Variants in DLGAP1 observed in about 807,000 individuals in gnomAD.
DLGAP1 encodes disks large-associated protein 1.
DLGAP1 carries 11 observed loss-of-function variants against 90.8 expected under a neutral mutation model. The ratio of observed to expected loss-of-function variants is 0.12; its 90% CI spans 0.08 to 0.20. The LOEUF is 0.20. Ranked by LOEUF, DLGAP1 falls within the 10% of genes least tolerant of loss-of-function variation. The pLI is 1.00. For synonymous variants in DLGAP1, 558 were observed against 540.7 expected, an observed-to-expected ratio of 1.03 and a Z score of -0.44; for missense variants, 1,050 against 1,333.8, an observed-to-expected ratio of 0.79 and a Z score of 3.31.
chr18:3,674,107 G>T (rs533443541), intron 7 of DLGAP1, among the ~76,000 whole-genome samples: 1 of 151,908 alleles, frequency 6.6e-6, no homozygotes, highest in Non-Finnish European at 1.5e-5. Flanking sequence ...CTCCCAAAGT[G>T]CTGGGAGGAC....
At chr18:3,896,996 C>G (rs1268821802) in intron 3 of DLGAP1, 1 of 152,260 alleles carries the variant, frequency 6.6e-6, no homozygotes, top group African/African-American at 2.4e-5. Context: ...AGATCACACC[C>G]TTTAGTCCAT....
chr18:3,562,317 A>G (rs1290021565), intron 9 of DLGAP1, among the ~76,000 whole-genome samples: 1 of 152,104 alleles, frequency 6.6e-6, no homozygotes, highest in African/African-American at 2.4e-5. Flanking sequence ...CAGGAGTTCA[A>G]GTCCATCCTG....
chr18:4,266,203 ACTT>A (rs936230444), intron 1 of DLGAP1, among the ~76,000 whole-genome samples: 2 of 152,188 alleles, frequency 1.3e-5, no homozygotes, highest in African/African-American at 4.8e-5. Flanking sequence ...AACCTCCATC[ACTT>A]CTTCTTGCAG....
rs117480510 is a variant in DLGAP1, at chr18:4,317,249, C to T, written c.-267+137757G>A. ...GTTGGGACACCTATTCATGTAGGGCCGTCACATCCTTGTTACTGACACATT... is the reference window on the plus strand; with the variant it reads ...GTTGGGACACCTATTCATGTAGGGCTGTCACATCCTTGTTACTGACACATT... On this transcript the variant is annotated intron_variant, in intron 1 of 12. Transcript: ENST00000315677. Among the ~76,000 whole-genome samples, 252 of 152,242 alleles carry T rather than the reference C, an allele frequency of 1.7e-3. 2 individuals are homozygous for T. The highest frequency in any genetic ancestry group is 2.6e-3 in the Non-Finnish European group (177 of 68,010).
intron 4 of DLGAP1, among the ~76,000 whole-genome samples, chr18:3,849,315 A>G (rs1443950025): frequency 1.3e-5 from 2 of 152,158 alleles, no homozygotes; most frequent in Non-Finnish European, 2.9e-5. Flanking sequence ...GTATCTTCAA[A>G]GAGACTCACC....
intron 2 of DLGAP1, among the ~76,000 whole-genome samples, chr18:4,079,868 G>T (rs1226716413): frequency 6.6e-6 from 1 of 152,074 alleles, no homozygotes; most frequent in Non-Finnish European, 1.5e-5. Context: ...CAATAGACTT[G>T]CCTTGTCAAG....
intron 1 of DLGAP1, among the ~76,000 whole-genome samples, chr18:4,239,365 A>T (rs2078482664): frequency 6.6e-6 from 1 of 152,112 alleles, no homozygotes; most frequent in South Asian, 2.1e-4. Flanking sequence ...AGGTTTTTTA[A>T]ACAAAGGAAC....
At chr18:4,257,869 T>C (rs887840576) in intron 1 of DLGAP1, among the ~76,000 whole-genome samples, 47 of 151,948 alleles carry the variant, frequency 3.1e-4, no homozygotes, top group Non-Finnish European at 6.3e-4. Flanking sequence ...AAGTGATCCA[T>C]CTGCCTCGGC....
chr18:3,798,497 G>A (rs2066124778), intron 5 of DLGAP1, among the ~76,000 whole-genome samples: 1 of 152,174 alleles, frequency 6.6e-6, no homozygotes, highest in South Asian at 2.1e-4. Context: ...CACAGTCCAG[G>A]GCCGACCCTG....
intron 5 of DLGAP1, among the ~76,000 whole-genome samples, chr18:3,811,135 T>A (rs1568173531): frequency 6.6e-6 from 1 of 152,168 alleles, no homozygotes; most frequent in Non-Finnish European, 1.5e-5. Flanking sequence ...TCACTAACAA[T>A]TGTATGCAGT....
intron 7 of DLGAP1, among the ~76,000 whole-genome samples, chr18:3,649,745 T>C (rs1225968959): frequency 2.0e-5 from 3 of 151,370 alleles, no homozygotes; most frequent in South Asian, 2.1e-4. Context: ...AAAAGGGCAG[T>C]TGGAAAAGAG....
At chr18:3,714,345 C>G (rs1304793419) in intron 7 of DLGAP1, among the ~76,000 whole-genome samples, 1 of 151,592 alleles carries the variant, frequency 6.6e-6, no homozygotes, top group East Asian at 2.0e-4. Context: ...CATTGTTTCT[C>G]AAACACAGCC....
chr18:4,245,214 G>A (rs2078628755), intron 1 of DLGAP1, among the ~76,000 whole-genome samples: 1 of 152,026 alleles, frequency 6.6e-6, no homozygotes, highest in Admixed American at 6.6e-5. Flanking sequence ...TTCATGAGGG[G>A]TATTATCAGT....
chr18:3,856,000 T>C (rs984916925), intron 4 of DLGAP1, among the ~76,000 whole-genome samples: 3 of 152,186 alleles, frequency 2.0e-5, no homozygotes, highest in Admixed American at 1.3e-4. Flanking sequence ...CTACAAAGCA[T>C]GTCAAGAATG....
At position 3,567,614 on chromosome 18, in the gene DLGAP1, C is replaced by T. The variant is rs370998045; in HGVS notation, c.1966-33G>A. On this transcript the variant is annotated intron_variant, in intron 8 of 12. Coordinates refer to ENST00000315677, the MANE Select transcript of DLGAP1 (RefSeq NM_004746.4). Reference sequence around the variant, plus strand: ...AATCATCAAATAAATAGAGTTGTTCCATTTCAGTCATCTTGCTTGAAAAAC... The same window carrying T: ...AATCATCAAATAAATAGAGTTGTTCTATTTCAGTCATCTTGCTTGAAAAAC... 3.8e-6 allele frequency: 6 copies of T among 1,563,816 alleles called. No homozygotes were observed. The African/African-American group carries it at 8.1e-5, about 21-fold the overall frequency.
chr18:4,324,956 A>C (rs1312230810), intron 1 of DLGAP1, among the ~76,000 whole-genome samples: 2 of 152,196 alleles, frequency 1.3e-5, no homozygotes, highest in Non-Finnish European at 2.9e-5. Context: ...ATATTGGCAC[A>C]AGGCAAGGAT....
chr18:3,960,680 A>G (rs1395618886), intron 3 of DLGAP1, among the ~76,000 whole-genome samples: 1 of 152,226 alleles, frequency 6.6e-6, no homozygotes, highest in Non-Finnish European at 1.5e-5. Context: ...ATTTCTAGTG[A>G]GTTCCCAGGT....
At chr18:3,654,957 T>C (rs1416679647) in intron 7 of DLGAP1, 1 of 152,176 alleles carries the variant, frequency 6.6e-6, no homozygotes, top group Non-Finnish European at 1.5e-5. Context: ...TGGTACTAAA[T>C]CCGCCAAAGG....
intron 7 of DLGAP1, among the ~76,000 whole-genome samples, chr18:3,635,029 G>T (rs1489123991): frequency 1.3e-5 from 2 of 152,096 alleles, no homozygotes; most frequent in Non-Finnish European, 2.9e-5. Flanking sequence ...AATAAACATA[G>T]AAATCACTAC....
Sources: allele counts gnomAD v4.1 joint callset (sites outside exome capture counted in the v4.1 genomes callset), GRCh38; gene constraint gnomAD v4.1.1; transcripts MANE v1.5; gene names NCBI Gene and HGNC (gene_info 2026-07-23, HGNC 2026-07-21).